The following HDAC9 variants were observed in gnomAD, a reference collection of about 807,000 sequenced individuals.
HDAC9 encodes MEF-2 interacting transcription repressor (MITR) protein.
Under a neutral mutation model 139.4 loss-of-function variants are expected in HDAC9, and 41 were observed. The observed-to-expected ratio is 0.29, with a 90% CI of 0.23 to 0.38. The LOEUF is 0.38. HDAC9 is among the 10% of genes least tolerant of loss of function. The pLI is 1.00. For synonymous variants in HDAC9, 517 were observed against 476.2 expected (o/e 1.09, Z -1.12); for missense variants, 1,147 against 1,297.0 (o/e 0.88, Z 1.78).
chr7:18,211,492 C>G (rs1282431331), intron 2 of HDAC9, among the ~76,000 whole-genome samples: 1 of 152,156 alleles, frequency 6.6e-6, no homozygotes, highest in Non-Finnish European at 1.5e-5. Flanking sequence ...ATACTCATGA[C>G]TTCCTTCTAA....
At chr7:18,659,101 A>T (rs2129056340) in intron 11 of HDAC9, among the ~76,000 whole-genome samples, 1 of 152,238 alleles carries the variant, frequency 6.6e-6, no homozygotes, top group East Asian at 1.9e-4. Flanking sequence ...TGAGGAACAG[A>T]TTTATTCTTA....
At chr7:18,394,266 G>A (rs574332293) in intron 1 of HDAC9, among the ~76,000 whole-genome samples, 2 of 152,244 alleles carry the variant, frequency 1.3e-5, no homozygotes, top group Admixed American at 1.3e-4. Flanking sequence ...AATTCTGTAG[G>A]TGTCACATTT....
intron 21 of HDAC9, among the ~76,000 whole-genome samples, chr7:18,873,874 G>A (rs1358705452): frequency 6.6e-6 from 1 of 152,134 alleles, no homozygotes; most frequent in East Asian, 1.9e-4. Flanking sequence ...TGTCATGGAT[G>A]AGGCTGCCAC....
intron 1 of HDAC9, among the ~76,000 whole-genome samples, chr7:18,446,741 A>G (rs1216415570): frequency 6.6e-6 from 1 of 152,148 alleles, no homozygotes; most frequent in Non-Finnish European, 1.5e-5. Context: ...ATTGAGAACA[A>G]CATATATTTT....
chr7:18,687,418 A>G (rs1782351758), intron 12 of HDAC9, among the ~76,000 whole-genome samples: 1 of 151,874 alleles, frequency 6.6e-6, no homozygotes, highest in African/African-American at 2.4e-5. Context: ...TATAATTTAC[A>G]ACAATATTTT....
At chr7:18,989,276 C>T (rs896078469) in intron 25 of HDAC9, among the ~76,000 whole-genome samples, 18 of 150,516 alleles carry the variant, frequency 1.2e-4, no homozygotes, top group Admixed American at 3.3e-4. Context: ...CAAAATCTCT[C>T]AGCATTTGCT....
chr7:18,513,743 A>C (rs1802314229), intron 2 of HDAC9, among the ~76,000 whole-genome samples: 1 of 152,302 alleles, frequency 6.6e-6, no homozygotes, highest in African/African-American at 2.4e-5. Context: ...TGGGTTGCCT[A>C]GATTACCGTT....
intron 15 of HDAC9, among the ~76,000 whole-genome samples, chr7:18,764,744 A>C (rs1554348932): frequency 1.3e-5 from 2 of 152,092 alleles, no homozygotes; most frequent in Non-Finnish European, 2.9e-5. Flanking sequence ...TTTCACTTCC[A>C]TATATCTTAC....
In HDAC9 at chr7:18,350,745, A is replaced by T. The variant is rs946593588; in HGVS notation, c.-42+60230A>T. 5.9e-5 allele frequency among the ~76,000 whole-genome samples: 9 copies of T among 152,228 alleles called. No homozygotes were observed. In the South Asian group the frequency reaches 1.9e-3, roughly 31 times the overall value. The stretch of plus-strand genomic sequence containing the variant: ...AACAACTCTTTTATTATTTGCTTTC[A>T]AAACAGAGGGAATATGATTTATGTC... On this transcript the variant is annotated intron_variant, in intron 1 of 3. Coordinates refer to the HDAC9 transcript ENST00000413509.
At chr7:18,856,734 T>C (rs1797710796) in intron 21 of HDAC9, among the ~76,000 whole-genome samples, 1 of 152,202 alleles carries the variant, frequency 6.6e-6, no homozygotes, top group Admixed American at 6.6e-5. Context: ...GCACAACTTA[T>C]TTAATCAATT....
chr7:18,426,979 A>G lies in HDAC9; in HGVS notation c.-41-69283A>G, dbSNP rs150759594. On this transcript the variant is annotated intron_variant, in intron 1 of 3. Transcript: ENST00000413509. ...CTTTTTTTTTCTTTTTATAGCTTTC[A>G]TATTAGGAAAAGAAGAAAGTAGCTC... 6.0e-3 allele frequency among the ~76,000 whole-genome samples: 919 copies of G among 152,144 alleles called. 2 individuals are homozygous for G. Among genetic ancestry groups the G allele is most frequent in the Non-Finnish European group, 1.0e-2 (677 of 67,988 alleles).
chr7:18,654,365 T>TA lies in HDAC9; in HGVS notation c.1467+5683dup, dbSNP rs1790371244. Among the ~76,000 whole-genome samples the TA allele has an allele frequency of 2.0e-5, 3 of 152,288 alleles. No homozygotes were observed. The South Asian group carries it at 6.2e-4, about 32-fold the overall frequency. ...ATCTTTTCAGCACCTTCTCCATAGA[T>TA]ACCTTAGGGTAGGGTCATTTAAAAA... On this transcript the variant is annotated intron_variant, in intron 11 of 25. Coordinates refer to ENST00000686413, the MANE Select transcript of HDAC9 (RefSeq NM_178425.4).
chr7:18,543,098 A>G (rs1040301616), intron 2 of HDAC9: 36 of 152,224 alleles, frequency 2.4e-4, no homozygotes, highest in African/African-American at 8.0e-4. Context: ...TCATGCACAC[A>G]TAAACATACA....
At chr7:18,224,886 C>T (rs73681731) in intron 2 of HDAC9, among the ~76,000 whole-genome samples, 2,108 of 151,866 alleles carry the variant, frequency 0.014, 40 homozygotes, top group African/African-American at 0.048. Flanking sequence ...TTCCCTTTGT[C>T]CCCCCAAAAA....
At chr7:18,158,674 C>T (rs1787400808) in intron 1 of HDAC9, among the ~76,000 whole-genome samples, 1 of 152,184 alleles carries the variant, frequency 6.6e-6, no homozygotes, top group African/African-American at 2.4e-5. Flanking sequence ...AGAAGAGATA[C>T]TCCATGTGCA....
chr7:18,835,532 A>T lies in HDAC9; in HGVS notation c.2532A>T (p.Ser844=). 6.2e-7 allele frequency: 1 copy of T among 1,613,556 alleles called. No individual in the cohort carries two copies. The change falls in exon 20 of 26, where the codon TCA becomes TCT. Residue 844 remains serine, a synonymous_variant. Transcript: ENST00000686413. ...FYADPSILYI[S]LHRYDEGNFF... Reference sequence around the variant, plus strand: ...CTGACCCCAGCATCCTGTACATTTCACTCCATCGCTATGATGAAGGGAACT... The same window carrying T: ...CTGACCCCAGCATCCTGTACATTTCTCTCCATCGCTATGATGAAGGGAACT...
chr7:18,324,573 TGCTACTCACAATGTGGTCC>T (rs1322196943), intron 1 of HDAC9, among the ~76,000 whole-genome samples: 2 of 152,190 alleles, frequency 1.3e-5, no homozygotes, highest in African/African-American at 4.8e-5. Context: ...TGTATACCCT[TGCTACTCACAATGTGGTCC>T]TCACACCAGC....
intron 21 of HDAC9, among the ~76,000 whole-genome samples, chr7:18,856,885 G>C (rs1039221237): frequency 2.0e-5 from 3 of 152,126 alleles, no homozygotes; most frequent in African/African-American, 7.2e-5. Flanking sequence ...AGCATAGGTA[G>C]TATTCATTTG....
intron 1 of HDAC9, among the ~76,000 whole-genome samples, chr7:18,326,122 G>T (rs978105960): frequency 4.6e-5 from 7 of 152,060 alleles, no homozygotes; most frequent in Admixed American, 6.6e-5. Context: ...TGACACAGCA[G>T]AAATGAAATT....
Sources: gnomAD v4.1 joint callset for allele counts (sites outside exome capture counted in the v4.1 genomes callset) on GRCh38, gnomAD v4.1.1 for gene constraint, MANE v1.5 for transcripts, NCBI Gene and HGNC (gene_info 2026-07-23, HGNC 2026-07-21) for gene names.